Variants in CPEB1 observed in about 807,000 individuals in gnomAD.
CPEB1 encodes the protein cytoplasmic polyadenylation element binding protein 1.
Under a neutral mutation model 65.8 loss-of-function variants are expected in CPEB1, and 7 were observed. The observed-to-expected ratio is 0.11, with a 90% CI of 0.06 to 0.20. The LOEUF (loss-of-function observed/expected upper bound fraction) is 0.20. Ranked by LOEUF, CPEB1 falls within the 10% of genes least tolerant of loss-of-function variation. The probability of loss-of-function intolerance (pLI) is 1.00; values close to 1 mark genes in which losing one functional copy is unlikely to be tolerated. For synonymous variants in CPEB1, 262 were observed against 260.0 expected, an observed-to-expected ratio of 1.01 and a Z score of -0.08; for missense variants, 551 against 712.2, an observed-to-expected ratio of 0.77 and a Z score of 2.58.
intron 10 of CPEB1, chr15:82,548,839 G>A: frequency 2.8e-6 from 1 of 353,700 alleles, no homozygotes; most frequent in Non-Finnish European, 5.8e-6. Context: ...TTGGGGAGGT[G>A]GGTTAGCCAC....
At chr15:82,594,665 T>C (rs139173624) in intron 3 of CPEB1, among the ~76,000 whole-genome samples, 5 of 152,320 alleles carry the variant, frequency 3.3e-5, no homozygotes, top group East Asian at 1.9e-4. Flanking sequence ...GCTTGACTAT[T>C]TGGAACAAGA....
intron 4 of CPEB1, among the ~76,000 whole-genome samples, chr15:82,567,032 T>C (rs568301311): frequency 1.3e-5 from 2 of 152,106 alleles, no homozygotes; most frequent in African/African-American, 2.4e-5. Context: ...TCATCATTCA[T>C]TCAAAAAATA....
intron 3 of CPEB1, among the ~76,000 whole-genome samples, chr15:82,579,372 T>G (rs77919987): frequency 0.012 from 1,811 of 152,186 alleles, 41 homozygotes; most frequent in African/African-American, 0.04. Flanking sequence ...GAGGCTACGA[T>G]GAACCATGAT....
At chr15:82,605,914 T>C (rs972075855) in intron 3 of CPEB1, among the ~76,000 whole-genome samples, 4 of 152,078 alleles carry the variant, frequency 2.6e-5, no homozygotes, top group African/African-American at 9.7e-5. Flanking sequence ...GCCGCATGTC[T>C]GTAATCCCCG....
At chr15:82,569,177 C>A (rs1306511999) in intron 4 of CPEB1, among the ~76,000 whole-genome samples, 1 of 152,290 alleles carries the variant, frequency 6.6e-6, no homozygotes, top group East Asian at 1.9e-4. Flanking sequence ...TGAGGGTGCA[C>A]GATCTGGCAC....
At chr15:82,547,397 C>T (rs1208359253) in intron 10 of CPEB1, among the ~76,000 whole-genome samples, 160 bp from the exon 11 acceptor site, 2 of 149,322 alleles carry the variant, frequency 1.3e-5, no homozygotes, top group East Asian at 4.0e-4. Context: ...CCCGGTTTCA[C>T]GCCATTCTCC....
chr15:82,616,605 T>C (rs1274328368), intron 3 of CPEB1, among the ~76,000 whole-genome samples: 3 of 150,500 alleles, frequency 2.0e-5, no homozygotes, highest in Non-Finnish European at 4.4e-5. Flanking sequence ...TGCAGTGGCA[T>C]GATCTCAGCT....
At chr15:82,644,369 C>T (rs2047331899) in intron 1 of CPEB1, among the ~76,000 whole-genome samples, 1 of 152,172 alleles carries the variant, frequency 6.6e-6, no homozygotes, top group Non-Finnish European at 1.5e-5. Flanking sequence ...ACCAGAAGGA[C>T]CTAGGTTCAC....
intron 3 of CPEB1, among the ~76,000 whole-genome samples, chr15:82,605,629 C>T (rs537146738): frequency 8.6e-5 from 13 of 151,696 alleles, no homozygotes; most frequent in African/African-American, 1.9e-4. Flanking sequence ...TATATCAGAA[C>T]ATCACACTGT....
chr15:82,614,845 ATAAG>A lies in CPEB1; in HGVS notation c.271+12344_271+12347del, dbSNP rs1459460387. ...AAAACCTAGTTCAACTCTTTAAAATATAAGTGTGTGTGTGTGTGTGTGTGTGTGT... is the reference window on the plus strand; with the variant it reads ...AAAACCTAGTTCAACTCTTTAAAATATGTGTGTGTGTGTGTGTGTGTGTGT... On this transcript the variant is annotated intron_variant, in intron 3 of 12. Transcript: ENST00000684509. 4.5e-5 allele frequency among the ~76,000 whole-genome samples: 6 copies of A among 133,606 alleles called. No individual in the cohort carries two copies. In the South Asian group the frequency reaches 1.2e-3, roughly 27 times the overall value. 87.7% of individuals were successfully genotyped at this position (133,606 alleles called of 152,430 possible).
At chr15:82,605,631 T>C (rs557163333) in intron 3 of CPEB1, among the ~76,000 whole-genome samples, 2 of 152,336 alleles carry the variant, frequency 1.3e-5, no homozygotes, top group South Asian at 4.1e-4. Context: ...TATCAGAACA[T>C]CACACTGTAC....
intron 3 of CPEB1, among the ~76,000 whole-genome samples, chr15:82,588,193 C>T (rs185031229): frequency 6.3e-4 from 96 of 152,118 alleles, no homozygotes; most frequent in African/African-American, 2.1e-3. Flanking sequence ...AGAGATCCAC[C>T]TGCCTTGGCC....
At chr15:82,624,497 C>CT (rs1229690361) in intron 3 of CPEB1, among the ~76,000 whole-genome samples, 1 of 152,132 alleles carries the variant, frequency 6.6e-6, no homozygotes, top group African/African-American at 2.4e-5. Context: ...CAAGATCTTC[C>CT]TCCTGCTTCT....
intron 1 of CPEB1, among the ~76,000 whole-genome samples, chr15:82,642,972 C>T (rs1205357297): frequency 1.3e-5 from 2 of 152,152 alleles, no homozygotes; most frequent in Admixed American, 1.3e-4. Context: ...ATAAACATAA[C>T]TTTAGAAAAT....
chr15:82,629,258 G>T, intron 1 of CPEB1: 1 of 985,106 alleles, frequency 1.0e-6, no homozygotes, highest in African/African-American at 1.7e-5. Context: ...CATTTTGCAT[G>T]GCATACAGTA....
At chr15:82,605,617 CAT>C (rs2043508197) in intron 3 of CPEB1, among the ~76,000 whole-genome samples, 1 of 152,144 alleles carries the variant, frequency 6.6e-6, no homozygotes, top group South Asian at 2.1e-4. Flanking sequence ...ACAGCGTATA[CAT>C]ATATCAGAAC....
At chr15:82,622,962 G>A (rs1272041116) in intron 3 of CPEB1, among the ~76,000 whole-genome samples, 2 of 152,166 alleles carry the variant, frequency 1.3e-5, no homozygotes, top group Non-Finnish European at 2.9e-5. Context: ...TAATGTTTGT[G>A]GTAGGAGGGA....
intron 3 of CPEB1, chr15:82,571,843 G>A (rs757138579): frequency 1.5e-4 from 174 of 1,130,140 alleles, no homozygotes; most frequent in African/African-American, 1.8e-4. Context: ...AATAGAGAGC[G>A]GCATCATCCC....
chr15:82,617,386 G>C (rs2044821163), intron 3 of CPEB1, among the ~76,000 whole-genome samples: 1 of 152,124 alleles, frequency 6.6e-6, no homozygotes, highest in Non-Finnish European at 1.5e-5. Context: ...ACGGTAAATG[G>C]TTTCATTTCT....
Sources: allele counts gnomAD v4.1 joint callset (sites outside exome capture counted in the v4.1 genomes callset), GRCh38; gene constraint gnomAD v4.1.1; transcripts MANE v1.5; gene names NCBI Gene and HGNC (gene_info 2026-07-23, HGNC 2026-07-21).